The following TBC1D32 variants were observed in gnomAD, a reference collection of about 807,000 sequenced individuals.
The protein encoded by TBC1D32 is TBC1 domain family member 32, also known as protein broad-minded.
Under a neutral mutation model 170.3 loss-of-function variants are expected in TBC1D32, and 151 were observed. That is an observed-to-expected ratio of 0.89 (90% CI 0.78 to 1.01). The LOEUF (loss-of-function observed/expected upper bound fraction) is 1.01, where lower values mean the gene tolerates loss of function less well. Among genes scored for constraint, TBC1D32 ranks in the 50% least tolerant of loss-of-function variants. The pLI, the probability that TBC1D32 is intolerant of heterozygous loss-of-function variation, is 0.00. For missense variants in TBC1D32, 1,464 were observed against 1,457.1 expected, an observed-to-expected ratio of 1.00 and a Z score of -0.08; for synonymous variants, 498 against 488.0, an observed-to-expected ratio of 1.02 and a Z score of -0.27.
chr6:121,131,707 T>G lies in TBC1D32; in HGVS notation c.2819A>C (p.Lys940Thr), dbSNP rs762544656. The G allele has an allele frequency of 1.9e-6, 3 of 1,609,276 alleles. 1 individual carries two copies. Among genetic ancestry groups the G allele is most frequent in the Non-Finnish European group, 2.5e-6 (3 of 1,177,046 alleles). The stretch of plus-strand genomic sequence containing the variant: ...GCAGTTTTCTATCCATTCAGTTTGT[T>G]TATCAGATATTTTGAGGCATAATAA... ...KLLLCLKISD[K>T]QTEWIENCQR... Residue 940 changes from lysine (K) to threonine (T), a missense_variant, in exon 25 of 32, where the codon AAA (lysine) becomes ACA (threonine). Lys to Thr is a moderately conservative substitution (Grantham distance 78). Coordinates refer to ENST00000398212, the MANE Select transcript of TBC1D32 (RefSeq NM_152730.6).
At chr6:121,160,280 C>T (rs1404543165) in intron 23 of TBC1D32, among the ~76,000 whole-genome samples, 177 bp from the exon 24 acceptor site, 2 of 152,088 alleles carry the variant, frequency 1.3e-5, no homozygotes, top group Non-Finnish European at 2.9e-5. Context: ...ATGGGTAATA[C>T]TTAAAACAAG....
At chr6:121,207,132 C>T in intron 21 of TBC1D32, among the ~76,000 whole-genome samples, 1 of 151,944 alleles carries the variant, frequency 6.6e-6, no homozygotes, top group Admixed American at 6.6e-5. Context: ...TATTTTTAAC[C>T]ACTGTTAATC....
intron 22 of TBC1D32, among the ~76,000 whole-genome samples, chr6:121,181,480 C>T (rs1297153754): frequency 2.0e-5 from 3 of 152,094 alleles, no homozygotes; most frequent in Non-Finnish European, 4.4e-5. Context: ...TTCCTGAGGC[C>T]TCTTCAACCA....
chr6:121,176,397 G>A (rs1272437765), intron 22 of TBC1D32, among the ~76,000 whole-genome samples: 3 of 152,056 alleles, frequency 2.0e-5, no homozygotes, highest in Non-Finnish European at 4.4e-5. Flanking sequence ...AGCTGAAGTG[G>A]AATAACAAAG....
intron 30 of TBC1D32, among the ~76,000 whole-genome samples, chr6:121,098,227 T>G (rs186624772): frequency 6.6e-6 from 1 of 150,468 alleles, no homozygotes. Context: ...AATAAAACAT[T>G]AAGTCAAAAA....
At chr6:121,095,002 A>G (rs1777235281) in intron 30 of TBC1D32, among the ~76,000 whole-genome samples, 1 of 152,200 alleles carries the variant, frequency 6.6e-6, no homozygotes, top group East Asian at 1.9e-4. Flanking sequence ...ATACATTATT[A>G]CATTTTCAAA....
At chr6:121,270,804 A>G (rs1184567387) in intron 15 of TBC1D32, among the ~76,000 whole-genome samples, 1 of 152,164 alleles carries the variant, frequency 6.6e-6, no homozygotes, top group Non-Finnish European at 1.5e-5. Flanking sequence ...CAGAAACACA[A>G]CAAAAACAGG....
chr6:121,087,344 T>C (rs1776361246), intron 31 of TBC1D32, among the ~76,000 whole-genome samples: 1 of 152,190 alleles, frequency 6.6e-6, no homozygotes, highest in Non-Finnish European at 1.5e-5. Context: ...AATATATTGA[T>C]TTGGAATCAT....
intron 1 of TBC1D32, among the ~76,000 whole-genome samples, chr6:121,329,621 C>T (rs1409635854): frequency 6.6e-6 from 1 of 151,820 alleles, no homozygotes; most frequent in Non-Finnish European, 1.5e-5. Flanking sequence ...CATTGCACTC[C>T]AGCCTGGGGG....
chr6:121,328,265 T>C (rs959302199), intron 1 of TBC1D32, among the ~76,000 whole-genome samples: 2 of 151,908 alleles, frequency 1.3e-5, no homozygotes, highest in African/African-American at 4.8e-5. Context: ...CTGGTTTTTC[T>C]AGTTTTTTAT....
rs143744780 is a variant in TBC1D32 at position 121,284,046 on chromosome 6, T to C, written c.1373-136A>G. 9.6e-4 allele frequency: 620 copies of C among 643,728 alleles called. 4 individuals carry two copies. In the African/African-American group the frequency reaches 0.011, roughly 11 times the overall value. 39.9% of individuals were successfully genotyped at this position (643,728 alleles called of 1,614,324 possible). On this transcript the variant is annotated intron_variant, in intron 12 of 31. Transcript: ENST00000398212. Reference sequence around the variant, plus strand: ...GAGGCAATCAGGAAGAAGGGAGCTATAATCTCAGATAGAAGACTCCATAAC... The same window carrying C: ...GAGGCAATCAGGAAGAAGGGAGCTACAATCTCAGATAGAAGACTCCATAAC...
In TBC1D32 at chr6:121,207,736, G is replaced by A. The variant is rs139053950; in HGVS notation, c.2482-2573C>T. On this transcript the variant is annotated intron_variant, in intron 21 of 31. Transcript: ENST00000398212. Reference sequence around the variant, plus strand: ...ATTTTTAAAAGATACTGTCCAGCTTGAGAATATTTTCAATAACCTACTAGG... The same window carrying A: ...ATTTTTAAAAGATACTGTCCAGCTTAAGAATATTTTCAATAACCTACTAGG... Among the ~76,000 whole-genome samples the A allele has an allele frequency of 2.6e-5, 4 of 152,280 alleles. No individual in the cohort carries two copies. In the East Asian group the frequency reaches 5.8e-4, roughly 22 times the overall value.
intron 26 of TBC1D32, among the ~76,000 whole-genome samples, chr6:121,119,156 C>T (rs1780003811): frequency 6.6e-6 from 1 of 152,192 alleles, no homozygotes; most frequent in South Asian, 2.1e-4. Context: ...CCTTCATTGA[C>T]AATTACCAAA....
intron 30 of TBC1D32, among the ~76,000 whole-genome samples, chr6:121,102,488 A>T (rs1477184346): frequency 6.6e-6 from 1 of 152,170 alleles, no homozygotes; most frequent in Non-Finnish European, 1.5e-5. Context: ...AGAAATGGGG[A>T]AACAATTCCC....
intron 22 of TBC1D32, among the ~76,000 whole-genome samples, chr6:121,194,894 T>C (rs1199857757): frequency 6.6e-6 from 1 of 152,224 alleles, no homozygotes; most frequent in Non-Finnish European, 1.5e-5. Context: ...GAATTATTGC[T>C]GAGACATATG....
chr6:121,080,695 A>T lies in TBC1D32; in HGVS notation c.*76T>A. On this transcript the variant is annotated 3_prime_UTR_variant, in exon 32 of 32. Transcript: ENST00000398212. ...ATTCACAAAGTAAATGTTGTTACAG[A>T]CACAGAAAAACATCAAGCCCCCCTG... The T allele has an allele frequency of 1.3e-6, 2 of 1,506,878 alleles. No individual in the cohort carries two copies. Among genetic ancestry groups the T allele is most frequent in the South Asian group, 1.3e-5 (1 of 74,902 alleles). 93.3% of individuals were successfully genotyped at this position (1,506,878 alleles called of 1,614,324 possible). A position where few individuals can be genotyped will look rare whatever the true frequency, so the allele number is the denominator to read the frequency against.
Position 121,239,071 on chromosome 6 carries a change from T to G in TBC1D32, c.2363A>C (p.Lys788Thr). Residue 788 changes from lysine to threonine, a missense_variant and splice_region_variant, in exon 20 of 32, where the codon AAG (lysine) becomes ACG (threonine). By Grantham distance (78) the Lys-to-Thr change is moderately conservative. Coordinates refer to ENST00000398212, the MANE Select transcript of TBC1D32 (RefSeq NM_152730.6). Reference protein sequence around the residue: ...PVDPIDRSCQKSFLALVNLLS... With the variant: ...PVDPIDRSCQTSFLALVNLLS... ...ATTATTAGTCAAATAACTTCTTACC[T>G]TTTGACAGCTTCGGTCAATAGGATC... 6.4e-7 allele frequency: 1 copy of G among 1,561,550 alleles called. No homozygotes were observed. Among genetic ancestry groups the G allele is most frequent in the Non-Finnish European group, 8.8e-7 (1 of 1,138,814 alleles).
chr6:121,115,341 A>C, intron 26 of TBC1D32, 100 bp from the exon 27 acceptor site: 1 of 839,986 alleles, frequency 1.2e-6, no homozygotes, highest in Non-Finnish European at 1.7e-6. Context: ...TACATATTTT[A>C]ATGTGAATTT....
chr6:121,246,890 C>G (rs1164549850), intron 17 of TBC1D32, among the ~76,000 whole-genome samples: 1 of 151,874 alleles, frequency 6.6e-6, no homozygotes, highest in Non-Finnish European at 1.5e-5. Flanking sequence ...CTATGAATAA[C>G]TGGTGTTCCT....
Sources: gnomAD v4.1 joint callset for allele counts (sites outside exome capture counted in the v4.1 genomes callset) on GRCh38, gnomAD v4.1.1 for gene constraint, MANE v1.5 for transcripts, NCBI Gene and HGNC (gene_info 2026-07-23, HGNC 2026-07-21) for gene names.